ADAMTSL1: variants seen among roughly 807,000 people sequenced by gnomAD.
The protein encoded by ADAMTSL1 is ADAMTS-like protein 1.
Under a neutral mutation model 201.8 loss-of-function variants are expected in ADAMTSL1, and 126 were observed. The ratio of observed to expected loss-of-function variants is 0.62; its 90% CI spans 0.54 to 0.72. The LOEUF (loss-of-function observed/expected upper bound fraction) is 0.72, where lower values mean the gene tolerates loss of function less well. ADAMTSL1 is among the 30% of genes least tolerant of loss of function. ADAMTSL1 has a pLI of 0.00. For missense variants in ADAMTSL1, 2,679 were observed against 2,277.8 expected (o/e 1.18, Z -3.59); for synonymous variants, 1,121 against 903.4 (o/e 1.24, Z -4.32).
chr9:18,549,411 A>G (rs1017228125), intron 3 of ADAMTSL1, among the ~76,000 whole-genome samples: 2 of 151,992 alleles, frequency 1.3e-5, no homozygotes, highest in African/African-American at 2.4e-5. Context: ...ACATGTCCTG[A>G]TCTACAAAGA....
In ADAMTSL1 at chr9:18,064,954, A is replaced by ATTTTTTTTTTTTT. The variant is rs563021690; in HGVS notation, c.88-98886_88-98874dup. ...ATTCAGAAAGCAGTATTTGCTAAAGATTTTTTTTTTTTTTTTTTTTTTTTT... is the reference window on the plus strand; with the variant it reads ...ATTCAGAAAGCAGTATTTGCTAAAGATTTTTTTTTTTTTTTTTTTTTTTTTTTTTTTTTTTTTT... On this transcript the variant is annotated intron_variant, in intron 1 of 29. Transcript: ENST00000680146. Among the ~76,000 whole-genome samples, 4 of 69,022 alleles carry ATTTTTTTTTTTTT rather than the reference A, an allele frequency of 5.8e-5. 1 individual carries two copies. The highest frequency in any genetic ancestry group is 9.6e-4 in the East Asian group (2 of 2,088). The allele number at this position is 69,022 out of a possible 152,430, so 45.3% of individuals were successfully genotyped here.
chr9:18,472,611 A>G (rs1821260430), upstream of ADAMTSL1, among the ~76,000 whole-genome samples: 1 of 152,230 alleles, frequency 6.6e-6, no homozygotes, highest in Non-Finnish European at 1.5e-5. Flanking sequence ...CACCTTTTTG[A>G]AAAGCAACGC....
chr9:18,239,931 A>C (rs1830998125), intron 2 of ADAMTSL1, among the ~76,000 whole-genome samples: 1 of 152,172 alleles, frequency 6.6e-6, no homozygotes, highest in Non-Finnish European at 1.5e-5. Flanking sequence ...TAGTTCTCTT[A>C]CTATTTTTAC....
intron 2 of ADAMTSL1, among the ~76,000 whole-genome samples, chr9:18,266,543 T>C (rs2132555584): frequency 6.6e-6 from 1 of 152,228 alleles, no homozygotes; most frequent in Non-Finnish European, 1.5e-5. Context: ...TTTCTTCCTG[T>C]CGATGAGCTC....
At chr9:18,866,730 C>A (rs866286670) in intron 23 of ADAMTSL1, among the ~76,000 whole-genome samples, 7 of 152,156 alleles carry the variant, frequency 4.6e-5, no homozygotes, top group African/African-American at 1.2e-4. Context: ...CAACTTTTAA[C>A]AAAGACTCCC....
rs569662048 is a variant in ADAMTSL1, at chr9:18,787,763, T to G, written c.3678-7634T>G. Among the ~76,000 whole-genome samples the G allele has an allele frequency of 1.3e-5, 2 of 152,296 alleles. 1 individual carries two copies. The highest frequency in any genetic ancestry group is 4.2e-4 in the South Asian group (2 of 4,814). ...AATACTTTAATCTATATGCTAGTTT[T>G]CCAATAAAACTTTATTTATAAAAGC... On this transcript the variant is annotated intron_variant, in intron 19 of 28. Coordinates refer to ENST00000380548, the MANE Select transcript of ADAMTSL1 (RefSeq NM_001040272.6).
intron 1 of ADAMTSL1, among the ~76,000 whole-genome samples, chr9:18,099,078 G>C (rs1048106828): frequency 3.4e-5 from 5 of 148,808 alleles, no homozygotes; most frequent in Non-Finnish European, 7.4e-5. Context: ...TCCATTCCAT[G>C]ACTTTTTTGC....
chr9:18,508,195 A>G (rs74348657), intron 2 of ADAMTSL1, among the ~76,000 whole-genome samples: 46 of 110,878 alleles, frequency 4.1e-4, no homozygotes, highest in Admixed American at 3.4e-3. Context: ...AAAAAAAAAG[A>G]AAAAAAAAAA....
intron 1 of ADAMTSL1, among the ~76,000 whole-genome samples, chr9:18,073,260 C>T (rs1178771808): frequency 1.3e-5 from 2 of 152,112 alleles, no homozygotes; most frequent in African/African-American, 4.8e-5. Flanking sequence ...GAATTGTGGG[C>T]CCTGTGAGGA....
chr9:18,324,411 A>ATTT (rs112245773), intron 2 of ADAMTSL1, among the ~76,000 whole-genome samples: 2 of 144,712 alleles, frequency 1.4e-5, no homozygotes, highest in Non-Finnish European at 1.5e-5. Flanking sequence ...ATACGCAAAG[A>ATTT]TTTTTTTTTT....
chr9:18,139,769 T>C (rs374359949), intron 1 of ADAMTSL1, among the ~76,000 whole-genome samples: 27 of 152,276 alleles, frequency 1.8e-4, no homozygotes, highest in African/African-American at 6.3e-4. Flanking sequence ...CTCATATTGG[T>C]CCACTTAAGC....
chr9:18,044,547 T>C (rs1250173280), intron 1 of ADAMTSL1, among the ~76,000 whole-genome samples: 1 of 152,094 alleles, frequency 6.6e-6, no homozygotes, highest in Non-Finnish European at 1.5e-5. Flanking sequence ...GATGATTGGA[T>C]TGGCTTTTTA....
chr9:18,764,847 C>T (rs946440080), intron 16 of ADAMTSL1, among the ~76,000 whole-genome samples: 1 of 152,184 alleles, frequency 6.6e-6, no homozygotes, highest in Non-Finnish European at 1.5e-5. Flanking sequence ...ACTTTTCTTG[C>T]AGCTGTTTTA....
chr9:18,464,928 G>A (rs1367447252), intron 2 of ADAMTSL1, among the ~76,000 whole-genome samples: 2 of 152,130 alleles, frequency 1.3e-5, no homozygotes, highest in African/African-American at 4.8e-5. Flanking sequence ...AGTAGCCAAA[G>A]AAAAGATGGC....
At chr9:17,977,163 A>G (rs1488788146) in intron 1 of ADAMTSL1, among the ~76,000 whole-genome samples, 2 of 152,100 alleles carry the variant, frequency 1.3e-5, no homozygotes, top group Non-Finnish European at 2.9e-5. Context: ...CTTGTATCCC[A>G]GAGATGAATC....
chr9:18,347,382 A>G (rs1835773750), intron 2 of ADAMTSL1, among the ~76,000 whole-genome samples: 1 of 151,742 alleles, frequency 6.6e-6, no homozygotes, highest in South Asian at 2.1e-4. Flanking sequence ...TGGGACCACC[A>G]AGATGATGAA....
intron 1 of ADAMTSL1, among the ~76,000 whole-genome samples, chr9:18,069,286 C>T (rs76176380): frequency 1.9e-3 from 288 of 152,184 alleles, no homozygotes; most frequent in Admixed American, 4.1e-3. Flanking sequence ...AAATATACAA[C>T]TTATTCCACC....
rs1173959699 is a variant in ADAMTSL1 at position 18,889,553 on chromosome 9, C to T, written c.4463-15C>T. ...TGCTATATTCTTTTCTACACTGCTC[C>T]TCCTCCCATGACAGATTACTGGTGG... On this transcript the variant is annotated splice_polypyrimidine_tract_variant and intron_variant, in intron 24 of 28. Transcript: ENST00000380548. 2 of 1,612,722 alleles carry T rather than the reference C, an allele frequency of 1.2e-6. No homozygotes were observed. The highest frequency in any genetic ancestry group is 1.7e-5 in the Admixed American group (1 of 59,898).
At chr9:18,881,228 T>C (rs183809245) in intron 23 of ADAMTSL1, among the ~76,000 whole-genome samples, 35 of 152,344 alleles carry the variant, frequency 2.3e-4, no homozygotes, top group Middle Eastern at 3.4e-3. Flanking sequence ...CTTCAAGAGC[T>C]TTTTCTTTGC....
Sources: gnomAD v4.1 joint callset for allele counts (sites outside exome capture counted in the v4.1 genomes callset) on GRCh38, gnomAD v4.1.1 for gene constraint, MANE v1.5 for transcripts, NCBI Gene and HGNC (gene_info 2026-07-23, HGNC 2026-07-21) for gene names.